The following IGF2BP3 variants were observed in gnomAD, a reference collection of about 807,000 sequenced individuals.
The protein encoded by IGF2BP3 is insulin-like growth factor 2 mRNA-binding protein 3.
IGF2BP3 carries 9 observed loss-of-function variants against 73.8 expected under a neutral mutation model. The observed-to-expected ratio is 0.12, with a 90% confidence interval of 0.07 to 0.21. The LOEUF (loss-of-function observed/expected upper bound fraction) is 0.21, where lower values mean the gene tolerates loss of function less well. Among genes scored for constraint, IGF2BP3 ranks in the 10% least tolerant of loss-of-function variants. The pLI is 1.00. For missense variants in IGF2BP3, 542 were observed against 714.0 expected (o/e 0.76, Z 2.75); for synonymous variants, 258 against 256.7 (o/e 1.01, Z -0.05).
intron 3 of IGF2BP3, among the ~76,000 whole-genome samples, chr7:23,381,304 G>T (rs12700424): frequency 7.6e-4 from 116 of 152,306 alleles, no homozygotes; most frequent in Admixed American, 2.2e-3. Context: ...CACATGCCCA[G>T]CGGGACAGGA....
chr7:23,391,091 G>GC (rs1471586820), intron 3 of IGF2BP3, among the ~76,000 whole-genome samples: 12 of 139,786 alleles, frequency 8.6e-5, no homozygotes, highest in Admixed American at 8.1e-4. Flanking sequence ...GAACCATCGC[G>GC]CCTGGCTTTT....
At chr7:23,341,067 C>CT (rs990011547) in intron 10 of IGF2BP3, among the ~76,000 whole-genome samples, 22 of 152,122 alleles carry the variant, frequency 1.4e-4, no homozygotes, top group African/African-American at 5.3e-4. Flanking sequence ...CCAGGCTGGT[C>CT]TTGAACTCCT....
chr7:23,428,708 C>CT (rs1472454858), intron 2 of IGF2BP3, among the ~76,000 whole-genome samples: 1 of 138,724 alleles, frequency 7.2e-6, no homozygotes, highest in Non-Finnish European at 1.5e-5. Context: ...GCCTCTTTTT[C>CT]TTTTTTTCTT....
intron 2 of IGF2BP3, among the ~76,000 whole-genome samples, chr7:23,424,228 G>A (rs575663011): frequency 6.6e-6 from 1 of 152,180 alleles, no homozygotes; most frequent in Non-Finnish European, 1.5e-5. Context: ...GCCAGGCGCA[G>A]TGGCTCAAGC....
intron 2 of IGF2BP3, among the ~76,000 whole-genome samples, chr7:23,462,177 A>G (rs543973918): frequency 1.3e-5 from 2 of 152,310 alleles, no homozygotes; most frequent in South Asian, 4.1e-4. Flanking sequence ...CAGAATGAGA[A>G]AGAATAAATT....
At chr7:23,426,499 G>A (rs1787516046) in intron 2 of IGF2BP3, among the ~76,000 whole-genome samples, 1 of 152,068 alleles carries the variant, frequency 6.6e-6, no homozygotes, top group Non-Finnish European at 1.5e-5. Flanking sequence ...TCCATATGTG[G>A]CATTTGCTTA....
intron 12 of IGF2BP3, 73 bp from the exon 13 acceptor site, chr7:23,313,726 G>A (rs1369425946): frequency 7.4e-6 from 11 of 1,480,382 alleles, no homozygotes; most frequent in Non-Finnish European, 9.2e-6. Flanking sequence ...TTGAAAGATG[G>A]CCCAAATCCA....
At chr7:23,388,462 T>TA (rs1428739509) in intron 3 of IGF2BP3, among the ~76,000 whole-genome samples, 2 of 151,970 alleles carry the variant, frequency 1.3e-5, no homozygotes, top group Non-Finnish European at 2.9e-5. Flanking sequence ...TCTAAACAGC[T>TA]AAAAAAGGGA....
chr7:23,467,873 T>C (rs1297333094), intron 2 of IGF2BP3: 1 of 153,272 alleles, frequency 6.5e-6, no homozygotes, highest in Non-Finnish European at 1.5e-5. Context: ...AGGAGTGGGG[T>C]GGAAAGCGGG....
intron 5 of IGF2BP3, among the ~76,000 whole-genome samples, chr7:23,353,805 T>G (rs1785025738): frequency 6.6e-6 from 1 of 152,220 alleles, no homozygotes; most frequent in South Asian, 2.1e-4. Flanking sequence ...GAACGTTAAG[T>G]TAACGCTGTA....
At chr7:23,335,120 A>C (rs1784541398) in intron 10 of IGF2BP3, among the ~76,000 whole-genome samples, 1 of 150,888 alleles carries the variant, frequency 6.6e-6, no homozygotes, top group Non-Finnish European at 1.5e-5. Context: ...TTTCACCATA[A>C]CTAGATAACC....
At chr7:23,366,859 T>C (rs539506176) in intron 3 of IGF2BP3, among the ~76,000 whole-genome samples, 6 of 152,270 alleles carry the variant, frequency 3.9e-5, no homozygotes, top group Non-Finnish European at 8.8e-5. Flanking sequence ...ATCCCATCAA[T>C]CTTAAGGCAG....
intron 3 of IGF2BP3, among the ~76,000 whole-genome samples, chr7:23,401,905 T>A (rs1191697551): frequency 6.6e-6 from 1 of 152,010 alleles, no homozygotes; most frequent in Non-Finnish European, 1.5e-5. Flanking sequence ...GGTCTTGAGG[T>A]CAGGAATTCA....
chr7:23,464,951 T>C (rs1788531902), intron 2 of IGF2BP3, among the ~76,000 whole-genome samples: 1 of 152,154 alleles, frequency 6.6e-6, no homozygotes, highest in South Asian at 2.1e-4. Context: ...AAGGTTAGGT[T>C]CTAAAAAACT....
At chr7:23,345,827 A>G in intron 8 of IGF2BP3, 113 bp downstream of exon 8, 1 of 1,220,862 alleles carries the variant, frequency 8.2e-7, no homozygotes, top group Non-Finnish European at 1.1e-6. Context: ...ATGTGTAAGT[A>G]CGGCAGCACA....
intron 3 of IGF2BP3, among the ~76,000 whole-genome samples, chr7:23,366,429 C>T (rs2128509638): frequency 6.6e-6 from 1 of 152,046 alleles, no homozygotes; most frequent in East Asian, 1.9e-4. Flanking sequence ...TGAGCCACCA[C>T]ACCTGGCCAT....
intron 2 of IGF2BP3, among the ~76,000 whole-genome samples, chr7:23,462,287 A>G (rs1227093555): frequency 1.3e-5 from 2 of 152,186 alleles, no homozygotes; most frequent in African/African-American, 4.8e-5. Flanking sequence ...AACTAATAAT[A>G]ATGCAATAAT....
intron 10 of IGF2BP3, among the ~76,000 whole-genome samples, chr7:23,332,327 C>T (rs1034854275): frequency 3.3e-5 from 5 of 152,198 alleles, no homozygotes; most frequent in Non-Finnish European, 7.3e-5. Flanking sequence ...TTCTTCAGCA[C>T]CTGTATAAAC....
intron 2 of IGF2BP3, among the ~76,000 whole-genome samples, chr7:23,424,979 C>T (rs117655012): frequency 1.3e-5 from 2 of 152,160 alleles, no homozygotes; most frequent in African/African-American, 4.8e-5. Flanking sequence ...GTCCCCCTTA[C>T]GTAGCATGCC....
Sources: allele counts gnomAD v4.1 joint callset (sites outside exome capture counted in the v4.1 genomes callset), GRCh38; gene constraint gnomAD v4.1.1; transcripts MANE v1.5; gene names NCBI Gene and HGNC (gene_info 2026-07-23, HGNC 2026-07-21).